CNTRL: variants seen among roughly 807,000 people sequenced by gnomAD.
The protein encoded by CNTRL is centriolin, also known as 110 kDa centrosomal protein.
CNTRL carries 233 observed loss-of-function variants against 303.7 expected under a neutral mutation model. That is an observed-to-expected ratio of 0.77 (90% CI 0.69 to 0.86). The LOEUF is 0.86. Among genes scored for constraint, CNTRL ranks in the 40% least tolerant of loss-of-function variants. The pLI is 0.00. For missense variants in CNTRL, 2,524 were observed against 2,650.6 expected, an observed-to-expected ratio of 0.95 and a Z score of 1.05; for synonymous variants, 900 against 922.2, an observed-to-expected ratio of 0.98 and a Z score of 0.44.
chr9:121,088,549 A>G lies in CNTRL; in HGVS notation c.217+6A>G. 1 of 1,582,884 alleles carries G rather than the reference A, an allele frequency of 6.3e-7. No individual in the cohort carries two copies. The highest frequency in any genetic ancestry group is 8.7e-7 in the Non-Finnish European group (1 of 1,153,940). On this transcript the variant is annotated splice_donor_region_variant and intron_variant, in intron 3 of 43. Coordinates refer to ENST00000373855, the MANE Select transcript of CNTRL (RefSeq NM_007018.6). ...GGACTATCAAGACCATAAAGGTATC[A>G]CTTTTTAATCTAAGAATTGGTCTGA...
At chr9:121,106,815 A>C (rs1433225018) in intron 7 of CNTRL, among the ~76,000 whole-genome samples, 2 of 152,058 alleles carry the variant, frequency 1.3e-5, no homozygotes, top group East Asian at 3.9e-4. Context: ...TATTATTCTG[A>C]AGTTTATGTT....
At chr9:121,089,354 C>G (rs1040198950) in intron 3 of CNTRL, among the ~76,000 whole-genome samples, 2 of 152,128 alleles carry the variant, frequency 1.3e-5, no homozygotes, top group Non-Finnish European at 2.9e-5. Flanking sequence ...CTTAGAGAAT[C>G]TTTGGCTCAC....
intron 30 of CNTRL, 105 bp from the exon 31 acceptor site, chr9:121,158,750 A>G (rs995617659): frequency 3.7e-6 from 4 of 1,084,662 alleles, no homozygotes; most frequent in Non-Finnish European, 5.4e-6. Flanking sequence ...CTTGGGGGCT[A>G]GGATATTAGC....
rs751035332 is a variant in CNTRL at position 121,157,742 on chromosome 9, C to T, written c.4499C>T (p.Ser1500Leu). 61 of 1,613,420 alleles carry T rather than the reference C, an allele frequency of 3.8e-5. No individual in the cohort carries two copies. Among genetic ancestry groups the T allele is most frequent in the Admixed American group, 1.0e-4 (6 of 59,820 alleles). ...NLVKADQQLRSLQADAKDLEQ... is the reference protein window; with the variant it reads ...NLVKADQQLRLLQADAKDLEQ... ...GGGAATAAAGCAATGTGCTTTAGAT[C>T]GCTCCAGGCTGATGCAAAGGATTTG... Residue 1500 changes from serine to leucine, a missense_variant and splice_region_variant, in exon 29 of 44, where the codon TCG becomes TTG. By Grantham distance (145) the Ser-to-Leu change is moderately radical (BLOSUM62 -2). Coordinates refer to ENST00000373855, the MANE Select transcript of CNTRL (RefSeq NM_007018.6).
At chr9:121,105,786 G>C (rs973224887) in intron 7 of CNTRL, among the ~76,000 whole-genome samples, 6 of 152,228 alleles carry the variant, frequency 3.9e-5, no homozygotes, top group Admixed American at 3.3e-4. Context: ...ATCTTGACAG[G>C]AGTAGTTAAG....
intron 4 of CNTRL, 74 bp from the exon 5 acceptor site, chr9:121,094,814 G>A (rs2132487405): frequency 8.2e-6 from 9 of 1,101,084 alleles, no homozygotes; most frequent in Non-Finnish European, 1.2e-5. Context: ...AGACCCTGAT[G>A]CACATAAGTA....
Position 121,164,994 on chromosome 9 carries a change from A to G in CNTRL, c.5475A>G (p.Glu1825=). 1 of 1,612,784 alleles carries G rather than the reference A, an allele frequency of 6.2e-7. No individual in the cohort carries two copies. Among genetic ancestry groups the G allele is most frequent in the East Asian group, 2.2e-5 (1 of 44,800 alleles). The part of the protein sequence containing the change: ...ENSKMEQSNL[E]KLELNVRKLQ... ...GCAAAATGGAGCAATCAAACTTAGA[A>G]AAGTTGGAATTGAATGTCAGAAAAC... is the stretch of plus-strand genomic sequence containing the variant. Residue 1825 remains glutamate, a synonymous_variant, in exon 35 of 44, where the codon GAA becomes GAG. Transcript: ENST00000373855.
At chr9:121,176,657 C>G (rs2131991637) in intron 43 of CNTRL, among the ~76,000 whole-genome samples, 1 of 152,256 alleles carries the variant, frequency 6.6e-6, no homozygotes, top group African/African-American at 2.4e-5. Flanking sequence ...GCAACCAACG[C>G]ACAGTGGGTA....
intron 2 of CNTRL, among the ~76,000 whole-genome samples, chr9:121,086,327 A>G (rs531307550): frequency 1.3e-5 from 2 of 152,332 alleles, no homozygotes; most frequent in East Asian, 1.9e-4. Flanking sequence ...TTTCAAACTG[A>G]TTATGTGAGG....
chr9:121,141,536 C>T lies in CNTRL; in HGVS notation c.2639C>T (p.Ala880Val), dbSNP rs1359870980. 2 of 1,614,058 alleles carry T rather than the reference C, an allele frequency of 1.2e-6. No homozygotes were observed. Among genetic ancestry groups the T allele is most frequent in the South Asian group, 2.2e-5 (2 of 91,086 alleles). ...EEMALQQEKLATGQEEFRQAC... is the reference protein window; with the variant it reads ...EEMALQQEKLVTGQEEFRQAC... ...ATGGCTCTGCAGCAAGAGAAACTGG[C>T]AACTGGACAAGAAGAGTTCAGGCAG... Residue 880 changes from alanine to valine, a missense_variant, in exon 18 of 44, where the codon GCA becomes GTA. Physicochemically the swap from Ala to Val is moderately conservative, Grantham distance 64. Transcript: ENST00000373855.
At chr9:121,077,557 A>G (rs1266548750) in intron 1 of CNTRL, among the ~76,000 whole-genome samples, 2 of 152,208 alleles carry the variant, frequency 1.3e-5, no homozygotes, top group Non-Finnish European at 2.9e-5. Flanking sequence ...GTTTAAGTCT[A>G]TGAATGAGTA....
intron 7 of CNTRL, among the ~76,000 whole-genome samples, chr9:121,103,994 A>T (rs1036688878): frequency 2.6e-5 from 4 of 152,238 alleles, no homozygotes; most frequent in Non-Finnish European, 5.9e-5. Flanking sequence ...AGAACTAGAA[A>T]TACCATTTGA....
At chr9:121,162,436 C>CTTT in intron 34 of CNTRL, 165 bp downstream of exon 34, 1 of 533,586 alleles carries the variant, frequency 1.9e-6, no homozygotes, top group Non-Finnish European at 3.3e-6. Flanking sequence ...TTCCTTCTAG[C>CTTT]TTTTTTTTTT....
chr9:121,135,204 C>A lies in CNTRL; in HGVS notation c.2026-602C>A, dbSNP rs552349478. ...CTTGTTAGCACTCATTTAAGGTACT[C>A]TTATCATCCTTAATATTAGAGAGTG... On this transcript the variant is annotated intron_variant, in intron 14 of 43. Transcript: ENST00000373855. Among the ~76,000 whole-genome samples the A allele has an allele frequency of 3.3e-5, 5 of 152,308 alleles. No individual in the cohort carries two copies. The East Asian group carries it at 9.6e-4, about 29-fold the overall frequency.
chr9:121,148,474 A>T (rs914174699), intron 23 of CNTRL, among the ~76,000 whole-genome samples, 198 bp from the exon 24 acceptor site: 2 of 152,222 alleles, frequency 1.3e-5, no homozygotes, highest in Non-Finnish European at 2.9e-5. Flanking sequence ...AGGGATGTTA[A>T]TAAGCTGAAT....
chr9:121,139,582 T>C (rs1411713780), intron 16 of CNTRL, among the ~76,000 whole-genome samples: 1 of 152,252 alleles, frequency 6.6e-6, no homozygotes, highest in Non-Finnish European at 1.5e-5. Flanking sequence ...GCAAATATCA[T>C]AAAAGATATA....
At chr9:121,122,047 C>T (rs1414489569) in intron 12 of CNTRL, 1 of 439,504 alleles carries the variant, frequency 2.3e-6, no homozygotes, top group African/African-American at 2.1e-5. Context: ...TTGTGAGCTC[C>T]ACCGTGGTGT....
intron 14 of CNTRL, among the ~76,000 whole-genome samples, chr9:121,130,100 T>G (rs1179057151): frequency 6.6e-6 from 1 of 151,462 alleles, no homozygotes; most frequent in African/African-American, 2.4e-5. Flanking sequence ...ATTCTCTTTT[T>G]TTGTTGTGTC....
chr9:121,097,818 G>A (rs2048956415), intron 6 of CNTRL, among the ~76,000 whole-genome samples: 1 of 152,072 alleles, frequency 6.6e-6, no homozygotes, highest in South Asian at 2.1e-4. Context: ...TTTGACATTG[G>A]CATTATGAAG....
Sources: gnomAD v4.1 joint callset for allele counts (sites outside exome capture counted in the v4.1 genomes callset) on GRCh38, gnomAD v4.1.1 for gene constraint, MANE v1.5 for transcripts, NCBI Gene and HGNC (gene_info 2026-07-23, HGNC 2026-07-21) for gene names.